The following TMEM260 variants were observed in gnomAD, a reference collection of about 807,000 sequenced individuals.
TMEM260 encodes the protein protein O-mannosyl-transferase TMEM260.
TMEM260 carries 82 observed loss-of-function variants against 88.9 expected under a neutral mutation model. The ratio of observed to expected loss-of-function variants is 0.92; its 90% CI spans 0.77 to 1.11. The LOEUF (loss-of-function observed/expected upper bound fraction) is 1.11. TMEM260 is among the 50% of genes least tolerant of loss of function. The pLI is 0.00. For missense variants in TMEM260, 902 were observed against 853.4 expected (o/e 1.06, Z -0.71); for synonymous variants, 314 against 309.3 (o/e 1.02, Z -0.16).
In TMEM260 at chr14:56,639,492, G is replaced by A. The variant is rs553737439; in HGVS notation, c.1869+2894G>A. 1.7e-4 allele frequency among the ~76,000 whole-genome samples: 26 copies of A among 152,230 alleles called. No individual in the cohort carries two copies. The South Asian group carries it at 5.4e-3, about 32-fold the overall frequency. ...ACATCAATCTAACAGGTCTATATTT[G>A]TATAGAAATATGTAGTATAGGAGGT... On this transcript the variant is annotated intron_variant, in intron 15 of 15. Transcript: ENST00000261556.
At chr14:56,596,926 T>TA (rs1886284584) in intron 3 of TMEM260, among the ~76,000 whole-genome samples, 1 of 151,974 alleles carries the variant, frequency 6.6e-6, no homozygotes, top group Admixed American at 6.6e-5. Context: ...GGTTTCTTCA[T>TA]AGTGTTTTGA....
downstream of TMEM260, among the ~76,000 whole-genome samples, chr14:56,653,193 ACT>A (rs1368544779): frequency 1.3e-5 from 2 of 151,774 alleles, no homozygotes; most frequent in Non-Finnish European, 2.9e-5. Context: ...ACAGAGCAAG[ACT>A]CTGTTTCAAA....
chr14:56,614,891 C>T (rs1378176455), intron 7 of TMEM260, among the ~76,000 whole-genome samples: 1 of 152,188 alleles, frequency 6.6e-6, no homozygotes. Context: ...AGAAGCTAAT[C>T]ATCTACCCTT....
In TMEM260 at chr14:56,609,083, C is replaced by T. The variant is rs1198247115; in HGVS notation, c.637-23C>T. On this transcript the variant is annotated intron_variant, in intron 5 of 15. Transcript: ENST00000261556. ...ATCTACTAAAATAAACATTGTTATACCACCCAATGTGCTCTGATGCAGGAA... is the reference window on the plus strand; with the variant it reads ...ATCTACTAAAATAAACATTGTTATATCACCCAATGTGCTCTGATGCAGGAA... 5 of 1,606,348 alleles carry T rather than the reference C, an allele frequency of 3.1e-6. No individual in the cohort carries two copies. In the African/African-American group the frequency reaches 5.4e-5, roughly 17 times the overall value.
rs762791211 is a variant in TMEM260, at chr14:56,632,991, A to G, written c.1548-4A>G. 4 of 1,612,556 alleles carry G rather than the reference A, an allele frequency of 2.5e-6. No homozygotes were observed. The highest frequency in any genetic ancestry group is 3.3e-5 in the Admixed American group (2 of 59,870). On this transcript the variant is annotated splice_region_variant and splice_polypyrimidine_tract_variant and intron_variant, in intron 12 of 15. Transcript: ENST00000261556. ...TACATCATGTATTTTTCTGTTTCCA[A>G]CAGAAAAGAAACATTTGTTTGCATA... is the stretch of plus-strand genomic sequence containing the variant.
the TMEM260 span, among the ~76,000 whole-genome samples, chr14:56,655,921 G>T: frequency 6.6e-6 from 1 of 152,132 alleles, no homozygotes; most frequent in African/African-American, 2.4e-5. Context: ...GACAACTCTA[G>T]TTCATATTGC....
downstream of TMEM260, among the ~76,000 whole-genome samples, chr14:56,651,845 T>C (rs1324300365): frequency 6.6e-6 from 1 of 152,248 alleles, no homozygotes; most frequent in Non-Finnish European, 1.5e-5. Flanking sequence ...TAAAATTTTT[T>C]AATCATTAAG....
At position 56,613,513 on chromosome 14, in the gene TMEM260, A is replaced by G. The variant is rs74052067; in HGVS notation, c.857+1228A>G. 3.7e-3 allele frequency: 557 copies of G among 152,292 alleles called. 6 individuals are homozygous for G. Among genetic ancestry groups the G allele is most frequent in the African/African-American group, 0.013 (542 of 41,560 alleles). The allele number at this position is 152,292 out of a possible 1,614,324, so 9.4% of individuals were successfully genotyped here. A position where few individuals can be genotyped will look rare whatever the true frequency, so the allele number is the denominator to read the frequency against. ...CACTGTTATTAATCTGTTAATGACT[A>G]TATTTTTCTAATATTTTTAAGATTT... On this transcript the variant is annotated intron_variant, in intron 7 of 15. Transcript: ENST00000261556.
chr14:56,612,098 G>A, intron 6 of TMEM260, 147 bp from the exon 7 acceptor site: 3 of 719,944 alleles, frequency 4.2e-6, no homozygotes, highest in Non-Finnish European at 7.3e-6. Flanking sequence ...GTTTACCTGT[G>A]TAACAAACCT....
intron 3 of TMEM260, among the ~76,000 whole-genome samples, chr14:56,586,556 G>A (rs1218553992): frequency 6.6e-6 from 1 of 152,028 alleles, no homozygotes; most frequent in Non-Finnish European, 1.5e-5. Context: ...TTGATGTTCT[G>A]TCTCCTTCAT....
chr14:56,655,500 C>T (rs2139672445), downstream of TMEM260, among the ~76,000 whole-genome samples: 1 of 152,194 alleles, frequency 6.6e-6, no homozygotes, highest in East Asian at 1.9e-4. Context: ...ATGCTGCATG[C>T]ACTTTGCGCG....
intron 15 of TMEM260, among the ~76,000 whole-genome samples, chr14:56,646,066 A>G (rs990698621): frequency 6.6e-6 from 1 of 152,154 alleles, no homozygotes; most frequent in African/African-American, 2.4e-5. Context: ...AAGTGCTGGG[A>G]TTGCAGGCAT....
chr14:56,586,440 A>G (rs1029673790), intron 3 of TMEM260, among the ~76,000 whole-genome samples: 1 of 152,110 alleles, frequency 6.6e-6, no homozygotes, highest in Non-Finnish European at 1.5e-5. Flanking sequence ...AAGGTAGGCA[A>G]ATTAGATCCC....
intron 12 of TMEM260, among the ~76,000 whole-genome samples, chr14:56,626,435 A>G (rs2026729): frequency 0.69 from 105,333 of 152,048 alleles, 38,276 homozygotes; most frequent in Non-Finnish European, 0.8. Context: ...AATGTCTACT[A>G]TGTTACAGCT....
chr14:56,620,937 G>A (rs1887877185), intron 10 of TMEM260, among the ~76,000 whole-genome samples: 1 of 152,074 alleles, frequency 6.6e-6, no homozygotes, highest in African/African-American at 2.4e-5. Flanking sequence ...ATAATGCCTG[G>A]AGAGAAGTAA....
chr14:56,584,077 A>C (rs1199330821), intron 1 of TMEM260, among the ~76,000 whole-genome samples: 3 of 151,460 alleles, frequency 2.0e-5, no homozygotes, highest in Non-Finnish European at 4.4e-5. Flanking sequence ...AAGTGATTTC[A>C]GTATGAAGAT....
At chr14:56,633,614 G>A (rs17091850) in intron 13 of TMEM260, 3,645 of 154,452 alleles carry the variant, frequency 0.024, 105 homozygotes, top group East Asian at 0.099. Context: ...CTCTGTGAGC[G>A]AAGACTCAGC....
Position 56,636,541 on chromosome 14 carries a change from A to G in TMEM260, c.1812A>G (p.Ala604=), listed in dbSNP as rs762352041. The G allele has an allele frequency of 2.8e-5, 45 of 1,613,970 alleles. 1 individual carries two copies. The South Asian group carries it at 4.8e-4, about 17-fold the overall frequency. Residue 604 remains alanine, a synonymous_variant, in exon 15 of 16, where the codon GCA becomes GCG. Transcript: ENST00000261556. ...MKTPFFIFNL[A]ETAHMPSKVK... is the part of the protein sequence containing the mutation. ...CACCGTTCTTCATCTTTAACCTGGC[A>G]GAAACTGCTCACATGCCTTCAAAAG...
At chr14:56,593,864 T>C (rs1439903455) in intron 3 of TMEM260, among the ~76,000 whole-genome samples, 2 of 151,372 alleles carry the variant, frequency 1.3e-5, no homozygotes, top group Non-Finnish European at 2.9e-5. Context: ...ATTTTTTGTA[T>C]TTTTAGTAGA....
Sources: gnomAD v4.1 joint callset for allele counts (sites outside exome capture counted in the v4.1 genomes callset) on GRCh38, gnomAD v4.1.1 for gene constraint, MANE v1.5 for transcripts, NCBI Gene and HGNC (gene_info 2026-07-23, HGNC 2026-07-21) for gene names.